RANBP2: variants seen among roughly 807,000 people sequenced by gnomAD.
The protein encoded by RANBP2 is RAN binding protein 2.
RANBP2 carries 57 observed loss-of-function variants against 303.6 expected under a neutral mutation model. That is an observed-to-expected ratio of 0.19 (90% CI 0.15 to 0.23). RANBP2 has a LOEUF of 0.23. Among genes scored for constraint, RANBP2 ranks in the 10% least tolerant of loss-of-function variants. The pLI is 1.00. For missense variants in RANBP2, 3,138 were observed against 3,780.8 expected, an observed-to-expected ratio of 0.83 and a Z score of 4.46; for synonymous variants, 1,167 against 1,301.5, an observed-to-expected ratio of 0.90 and a Z score of 2.23.
chr2:109,180,833 T>A, the RANBP2 span, among the ~76,000 whole-genome samples: 3 of 152,148 alleles, frequency 2.0e-5, no homozygotes, highest in Admixed American at 6.5e-5. Flanking sequence ...ATATACTCAG[T>A]CAGCTAAGAG....
the RANBP2 span, among the ~76,000 whole-genome samples, chr2:108,917,965 A>G: frequency 3.3e-5 from 5 of 151,764 alleles, no homozygotes; most frequent in African/African-American, 1.2e-4. Context: ...ACTCTGCATT[A>G]CCCCTAAATG....
the RANBP2 span, among the ~76,000 whole-genome samples, chr2:109,172,202 G>A: frequency 6.6e-5 from 10 of 152,214 alleles, no homozygotes; most frequent in South Asian, 2.1e-4. Context: ...TCAGACCAGG[G>A]TCCTCTGGCA....
chr2:109,041,000 G>A, the RANBP2 span, among the ~76,000 whole-genome samples: 1 of 152,156 alleles, frequency 6.6e-6, no homozygotes, highest in African/African-American at 2.4e-5. Flanking sequence ...AGCTTGCTGT[G>A]AGCGGAGATT....
At chr2:109,386,748 A>G in the RANBP2 span, among the ~76,000 whole-genome samples, 1 of 152,206 alleles carries the variant, frequency 6.6e-6, no homozygotes, top group Non-Finnish European at 1.5e-5. Context: ...GCTGGAAACA[A>G]AACTGCCCAA....
At chr2:108,994,797 TATATATA>T in the RANBP2 span, among the ~76,000 whole-genome samples, 3 of 111,024 alleles carry the variant, frequency 2.7e-5, no homozygotes, top group Middle Eastern at 4.9e-3. Flanking sequence ...CATTGGGTTA[TATATATA>T]TATATATATA....
chr2:109,183,912 C>T, the RANBP2 span, among the ~76,000 whole-genome samples: 1 of 152,176 alleles, frequency 6.6e-6, no homozygotes, highest in Non-Finnish European at 1.5e-5. Flanking sequence ...TCCCAGAGAC[C>T]TGTGCCCCCA....
the RANBP2 span, among the ~76,000 whole-genome samples, chr2:109,156,753 G>GTT: frequency 1.3e-5 from 2 of 152,202 alleles, no homozygotes; most frequent in African/African-American, 4.8e-5. Context: ...TGAATTTTAA[G>GTT]TTTTTTAAAA....
At chr2:108,851,593 G>A in the RANBP2 span, among the ~76,000 whole-genome samples, 116 of 151,484 alleles carry the variant, frequency 7.7e-4, 1 homozygote, top group Non-Finnish European at 1.1e-3. Context: ...GTGAGCCACC[G>A]CGCCCGGCCT....
chr2:109,129,529 G>A, the RANBP2 span: 2 of 1,497,120 alleles, frequency 1.3e-6, no homozygotes, highest in South Asian at 1.2e-5. Flanking sequence ...GACCGCTGCG[G>A]GCGCCTCCCC....
At chr2:109,763,258 GT>G in the RANBP2 span, among the ~76,000 whole-genome samples, 9 of 150,406 alleles carry the variant, frequency 6.0e-5, no homozygotes, top group Non-Finnish European at 1.3e-4. Context: ...ATCAGACACT[GT>G]TCTGAGTACA....
At chr2:108,977,911 C>A in the RANBP2 span, among the ~76,000 whole-genome samples, 4 of 152,214 alleles carry the variant, frequency 2.6e-5, no homozygotes, top group Non-Finnish European at 5.9e-5. Flanking sequence ...GAAACAACAG[C>A]CATTTGCTTA....
chr2:109,477,613 GGTGTGTGTGT>G, the RANBP2 span, among the ~76,000 whole-genome samples: 23 of 149,352 alleles, frequency 1.5e-4, no homozygotes, highest in Non-Finnish European at 1.9e-4. Flanking sequence ...GCCACAGATG[GGTGTGTGTGT>G]GTGTGTGTGT....
the RANBP2 span, among the ~76,000 whole-genome samples, chr2:109,693,253 C>CTGCA: frequency 6.6e-6 from 1 of 152,200 alleles, no homozygotes. Flanking sequence ...TCTCAGTTCA[C>CTGCA]TGCAACCTCC....
At chr2:108,831,720 C>CCTTCCTTT in the RANBP2 span, among the ~76,000 whole-genome samples, 1 of 151,668 alleles carries the variant, frequency 6.6e-6, no homozygotes, top group South Asian at 2.1e-4. Flanking sequence ...TTCCTTCCTT[C>CCTTCCTTT]CTTCCTTCCT....
chr2:108,748,782 C>A, intron 8 of RANBP2, 138 bp from the exon 9 acceptor site: 1 of 1,519,094 alleles, frequency 6.6e-7, no homozygotes, highest in Non-Finnish European at 9.0e-7. Context: ...GTTTTGTTGT[C>A]CAGCTGTATT....
Position 108,753,951 on chromosome 2 carries a change from A to G in RANBP2, c.2182A>G (p.Asn728Asp), listed in dbSNP as rs774474793. The change falls in exon 15 of 29, where the codon AAT becomes GAT. Residue 728 changes from asparagine to aspartate, a missense_variant. This residue lies in a region of RANBP2 where 194 missense variants were observed against 197.4 expected (regional missense o/e 0.98). Transcript: ENST00000283195. ...LIKIIDDSDSNLSVVKKLPVP... is the reference protein window; with the variant it reads ...LIKIIDDSDSDLSVVKKLPVP... Reference sequence around the variant, plus strand: ...AAAGATTATAGATGACAGTGATTCAAATCTTTCAGTGGTCAAGAAAGTAAG... The same window carrying G: ...AAAGATTATAGATGACAGTGATTCAGATCTTTCAGTGGTCAAGAAAGTAAG... 2.9e-5 allele frequency: 46 copies of G among 1,611,872 alleles called. No homozygotes were observed. Among genetic ancestry groups the G allele is most frequent in the Admixed American group, 1.2e-4 (7 of 60,000 alleles).
the RANBP2 span, among the ~76,000 whole-genome samples, chr2:109,439,251 C>T: frequency 2.4e-4 from 36 of 152,232 alleles, no homozygotes; most frequent in East Asian, 4.8e-3. Flanking sequence ...ATGTTACACA[C>T]GGGGAGAGTG....
the RANBP2 span, among the ~76,000 whole-genome samples, chr2:109,456,214 G>A: frequency 6.6e-6 from 1 of 152,236 alleles, no homozygotes; most frequent in Non-Finnish European, 1.5e-5. Context: ...CTGGTTAGTG[G>A]CACTGGCGTT....
the RANBP2 span, among the ~76,000 whole-genome samples, chr2:109,360,410 A>T: frequency 6.6e-6 from 1 of 152,210 alleles, no homozygotes; most frequent in Non-Finnish European, 1.5e-5. Flanking sequence ...CGATGTACAC[A>T]AACTTTGTTT....
Sources: allele counts gnomAD v4.1 joint callset (sites outside exome capture counted in the v4.1 genomes callset), GRCh38; gene constraint gnomAD v4.1.1; regional missense constraint gnomAD v4.1.1; transcripts MANE v1.5; gene names NCBI Gene and HGNC (gene_info 2026-07-23, HGNC 2026-07-21).